Variants in SLCO2A1 observed in about 807,000 individuals in gnomAD.
SLCO2A1 encodes the protein matrin F/G 1.
In SLCO2A1, 60 loss-of-function variants were observed where a neutral mutation model predicts 71.7. That is an observed-to-expected ratio of 0.84 (90% CI 0.68 to 1.04). The LOEUF (loss-of-function observed/expected upper bound fraction) is 1.04, where lower values mean the gene tolerates loss of function less well. SLCO2A1 is among the 50% of genes least tolerant of loss of function. The pLI, the probability that SLCO2A1 is intolerant of heterozygous loss-of-function variation, is 0.00. For synonymous variants in SLCO2A1, 308 were observed against 326.7 expected (o/e 0.94, Z 0.62); for missense variants, 745 against 813.4 (o/e 0.92, Z 1.02).
intron 1 of SLCO2A1, among the ~76,000 whole-genome samples, chr3:134,018,362 G>A (rs1935504986): frequency 6.6e-6 from 1 of 152,232 alleles, no homozygotes; most frequent in Non-Finnish European, 1.5e-5. Context: ...TCTGGAAACT[G>A]ATTAGTTAAG....
chr3:134,002,799 C>T (rs1271305280), intron 1 of SLCO2A1, among the ~76,000 whole-genome samples: 1 of 152,238 alleles, frequency 6.6e-6, no homozygotes, highest in Non-Finnish European at 1.5e-5. Context: ...GTAGGTCTTC[C>T]TGAGCTCTAA....
chr3:133,956,379 C>T (rs115255880), intron 3 of SLCO2A1, among the ~76,000 whole-genome samples: 5 of 152,324 alleles, frequency 3.3e-5, no homozygotes, highest in African/African-American at 9.6e-5. Context: ...GCACACGCCT[C>T]GTCCAGCCTG....
intron 1 of SLCO2A1, among the ~76,000 whole-genome samples, chr3:133,989,232 C>T (rs769804567): frequency 2.0e-5 from 3 of 152,236 alleles, no homozygotes; most frequent in Non-Finnish European, 2.9e-5. Flanking sequence ...GGCCTTTGAG[C>T]TGCTTGCTAG....
At chr3:133,947,467 T>C in intron 8 of SLCO2A1, 22 bp from the exon 9 acceptor site, 4 of 1,583,370 alleles carry the variant, frequency 2.5e-6, no homozygotes, top group Non-Finnish European at 3.4e-6. Flanking sequence ...AAGAAGGAGG[T>C]GATCCAGGTG....
At chr3:133,988,916 G>T (rs1252739107) in intron 1 of SLCO2A1, among the ~76,000 whole-genome samples, 1 of 152,206 alleles carries the variant, frequency 6.6e-6, no homozygotes, top group Admixed American at 6.5e-5. Context: ...AGGTCTGGGG[G>T]CAGGGAATCT....
chr3:133,973,961 A>T, intron 2 of SLCO2A1, 136 bp from the exon 3 acceptor site: 1 of 894,868 alleles, frequency 1.1e-6, no homozygotes, highest in Non-Finnish European at 1.7e-6. Flanking sequence ...GCCCAGACAG[A>T]GTTACAGTGT....
Position 133,935,755 on chromosome 3 carries a change from A to G in SLCO2A1, c.1814+19T>C. On this transcript the variant is annotated intron_variant, in intron 13 of 13. Coordinates refer to ENST00000310926, the MANE Select transcript of SLCO2A1 (RefSeq NM_005630.3). Reference sequence around the variant, plus strand: ...CCCAGGGCCTGGCTCTGGGACACACATACATGATGGGCCCTCACCTGTCTC... The same window carrying G: ...CCCAGGGCCTGGCTCTGGGACACACGTACATGATGGGCCCTCACCTGTCTC... 6.3e-7 allele frequency: 1 copy of G among 1,576,014 alleles called. No individual in the cohort carries two copies. The highest frequency in any genetic ancestry group is 8.6e-7 in the Non-Finnish European group (1 of 1,157,946).
intron 1 of SLCO2A1, among the ~76,000 whole-genome samples, chr3:133,985,389 C>T (rs1331748420): frequency 6.6e-6 from 1 of 152,226 alleles, no homozygotes; most frequent in Non-Finnish European, 1.5e-5. Context: ...ATAATAGATG[C>T]TAGCACTCTC....
chr3:133,954,965 C>CA lies in SLCO2A1; in HGVS notation c.625dup (p.Ser209PhefsTer37). The CA allele has an allele frequency of 6.2e-7, 1 of 1,613,078 alleles. No homozygotes were observed. The highest frequency in any genetic ancestry group is 1.1e-5 in the South Asian group (1 of 90,934). On this transcript the variant is annotated frameshift_variant and splice_region_variant. Transcript: ENST00000310926. LOFTEE classifies it high-confidence loss of function. Reference sequence around the variant, plus strand: ...AAGCCCTCTTCAAGCCGGTGACTCACAGATGTACAGGGGCGAGTTGCTGGG... The same window carrying CA: ...AAGCCCTCTTCAAGCCGGTGACTCACAAGATGTACAGGGGCGAGTTGCTGGG...
In SLCO2A1 at chr3:133,938,415, T is replaced by C; in HGVS notation, c.1690+14A>G. Reference sequence around the variant, plus strand: ...TGGGGCCACTTCTTGGGAAGAGGGGTCTTAGACACTTACCCAGCAAGCGCA... The same window carrying C: ...TGGGGCCACTTCTTGGGAAGAGGGGCCTTAGACACTTACCCAGCAAGCGCA... On this transcript the variant is annotated intron_variant, in intron 12 of 13. Transcript: ENST00000310926. The C allele has an allele frequency of 6.2e-7, 1 of 1,613,244 alleles. No individual in the cohort carries two copies. The highest frequency in any genetic ancestry group is 1.3e-5 in the African/African-American group (1 of 74,948).
chr3:133,946,236 G>T (rs199744632), intron 9 of SLCO2A1, among the ~76,000 whole-genome samples: 5 of 94,452 alleles, frequency 5.3e-5, no homozygotes, highest in Non-Finnish European at 9.1e-5. Flanking sequence ...TCATTTCAAA[G>T]AAAAAAAAAA....
intron 2 of SLCO2A1, among the ~76,000 whole-genome samples, chr3:133,978,873 G>C (rs907114604): frequency 6.6e-6 from 1 of 152,166 alleles, no homozygotes; most frequent in African/African-American, 2.4e-5. Flanking sequence ...GGCCCATCTT[G>C]TCTTCCTCTA....
intron 3 of SLCO2A1, among the ~76,000 whole-genome samples, chr3:133,963,334 C>T (rs542891506): frequency 1.3e-5 from 2 of 152,268 alleles, no homozygotes; most frequent in East Asian, 3.9e-4. Context: ...AGCGCTCCGT[C>T]CCACCCCTCG....
At chr3:133,940,046 C>T (rs891183770) in intron 11 of SLCO2A1, among the ~76,000 whole-genome samples, 3 of 149,544 alleles carry the variant, frequency 2.0e-5, no homozygotes, top group Admixed American at 1.3e-4. Context: ...TGGCTCACTG[C>T]AACCTCCACT....
chr3:133,992,704 C>T (rs896031406), intron 1 of SLCO2A1, among the ~76,000 whole-genome samples: 2 of 152,198 alleles, frequency 1.3e-5, no homozygotes, highest in Admixed American at 1.3e-4. Context: ...AGAGAAGCAT[C>T]TTGACTTCAG....
intron 2 of SLCO2A1, among the ~76,000 whole-genome samples, chr3:133,975,247 T>C (rs2108056074): frequency 6.6e-6 from 1 of 152,180 alleles, no homozygotes; most frequent in East Asian, 1.9e-4. Flanking sequence ...AAAACCCCAG[T>C]CCCCTGTCCT....
intron 3 of SLCO2A1, among the ~76,000 whole-genome samples, chr3:133,957,663 C>T (rs1301342116): frequency 2.0e-5 from 3 of 152,162 alleles, no homozygotes; most frequent in African/African-American, 7.2e-5. Context: ...GACCTTACAC[C>T]TACTTCCTCT....
intron 1 of SLCO2A1, among the ~76,000 whole-genome samples, chr3:133,987,727 C>T (rs1488333739): frequency 2.0e-5 from 3 of 152,174 alleles, no homozygotes; most frequent in Non-Finnish European, 4.4e-5. Context: ...CTCTTTTCAT[C>T]GATATCCACT....
chr3:133,975,951 C>T (rs1382612346), intron 2 of SLCO2A1, among the ~76,000 whole-genome samples: 1 of 152,196 alleles, frequency 6.6e-6, no homozygotes, highest in African/African-American at 2.4e-5. Context: ...TGTTTTATTT[C>T]CATAAATACT....
Sources: gnomAD v4.1 joint callset for allele counts (sites outside exome capture counted in the v4.1 genomes callset) on GRCh38, gnomAD v4.1.1 for gene constraint, MANE v1.5 for transcripts, NCBI Gene and HGNC (gene_info 2026-07-23, HGNC 2026-07-21) for gene names.